Variants in LPP observed in about 807,000 individuals in gnomAD.
LPP encodes LIM domain containing preferred translocation partner in lipoma.
Under a neutral mutation model 60.4 loss-of-function variants are expected in LPP, and 38 were observed. That is an observed-to-expected ratio of 0.63 (90% confidence interval 0.49 to 0.83). The LOEUF (loss-of-function observed/expected upper bound fraction) is 0.83. Among genes scored for constraint, LPP ranks in the 40% least tolerant of loss-of-function variants. LPP has a pLI of 0.00. For synonymous variants in LPP, 328 were observed against 290.8 expected, an observed-to-expected ratio of 1.13 and a Z score of -1.30; for missense variants, 902 against 783.6, an observed-to-expected ratio of 1.15 and a Z score of -1.80.
intron 9 of LPP, among the ~76,000 whole-genome samples, chr3:188,777,800 C>G (rs148492677): frequency 6.6e-6 from 1 of 152,170 alleles, no homozygotes; most frequent in African/African-American, 2.4e-5. Context: ...TTGGGTATAA[C>G]AGATTTTTAT....
chr3:188,597,909 A>G (rs1024988749), intron 6 of LPP, among the ~76,000 whole-genome samples: 21 of 152,302 alleles, frequency 1.4e-4, no homozygotes, highest in African/African-American at 5.0e-4. Context: ...TGGAGTTTAG[A>G]GAGGAAAGGA....
intron 9 of LPP, among the ~76,000 whole-genome samples, chr3:188,780,076 GAACACCTAT>G (rs1487556076): frequency 6.6e-6 from 1 of 152,122 alleles, no homozygotes. Context: ...ATTTAGACTA[GAACACCTAT>G]ACGTCAGTTA....
At chr3:188,657,702 C>G (rs560159615) in intron 7 of LPP, among the ~76,000 whole-genome samples, 1 of 152,174 alleles carries the variant, frequency 6.6e-6, no homozygotes, top group South Asian at 2.1e-4. Flanking sequence ...AGCTAGTCCC[C>G]AAGCACACTA....
At chr3:188,255,793 C>A (rs1421755979) in intron 2 of LPP, among the ~76,000 whole-genome samples, 1 of 152,096 alleles carries the variant, frequency 6.6e-6, no homozygotes, top group African/African-American at 2.4e-5. Flanking sequence ...TAATATTTGG[C>A]CAAAACCTGC....
chr3:188,623,931 C>A (rs1410992027), intron 7 of LPP, among the ~76,000 whole-genome samples: 2 of 152,104 alleles, frequency 1.3e-5, no homozygotes, highest in Admixed American at 1.3e-4. Context: ...TGGCCAAGTA[C>A]CTATGAATCA....
At chr3:188,446,339 A>G (rs1238332108) in intron 4 of LPP, among the ~76,000 whole-genome samples, 1 of 152,114 alleles carries the variant, frequency 6.6e-6, no homozygotes, top group African/African-American at 2.4e-5. Context: ...TCTTTCTGCC[A>G]CTCTCCAGAC....
chr3:188,714,806 G>C (rs1280514525), intron 8 of LPP, among the ~76,000 whole-genome samples: 1 of 152,038 alleles, frequency 6.6e-6, no homozygotes, highest in African/African-American at 2.4e-5. Flanking sequence ...TTAAGTTTTG[G>C]CTATAACAGA....
At chr3:188,536,696 A>AC (rs35376860) in intron 6 of LPP, among the ~76,000 whole-genome samples, 5,381 of 151,808 alleles carry the variant, frequency 0.035, 180 homozygotes, top group Non-Finnish European at 0.047. Context: ...ATAAGATTTA[A>AC]GTGGGTTAAA....
chr3:188,331,810 G>A (rs1329143247), intron 2 of LPP, among the ~76,000 whole-genome samples: 2 of 152,068 alleles, frequency 1.3e-5, no homozygotes, highest in Admixed American at 1.3e-4. Flanking sequence ...TATGAATTCT[G>A]GTGCTTATTA....
At chr3:188,767,810 T>A (rs1734634078) in intron 9 of LPP, among the ~76,000 whole-genome samples, 1 of 152,142 alleles carries the variant, frequency 6.6e-6, no homozygotes, top group Non-Finnish European at 1.5e-5. Context: ...CTAGTCTCAT[T>A]AATTGCAACA....
chr3:188,190,724 A>C (rs1020940619), intron 1 of LPP, among the ~76,000 whole-genome samples: 1 of 152,222 alleles, frequency 6.6e-6, no homozygotes, highest in Non-Finnish European at 1.5e-5. Context: ...AAGATTGTGC[A>C]CTGAGATGAG....
At chr3:188,734,593 C>T (rs1226062361) in intron 8 of LPP, among the ~76,000 whole-genome samples, 1 of 152,172 alleles carries the variant, frequency 6.6e-6, no homozygotes, top group Non-Finnish European at 1.5e-5. Context: ...TAACTAAATG[C>T]TTAGGATTCA....
Position 188,775,830 on chromosome 3 carries a change from G to GT in LPP, c.1410+15553dup, listed in dbSNP as rs576078080. On this transcript the variant is annotated intron_variant, in intron 9 of 11. Transcript: ENST00000617246. ...AAAGTAAAAGAAAATGAAGAAGATT[G>GT]TTTTTGTGAAATTGTGCTGTCAGAT... is the stretch of plus-strand genomic sequence containing the variant. 3.0e-3 allele frequency among the ~76,000 whole-genome samples: 459 copies of GT among 152,272 alleles called. 5 individuals are homozygous for GT. Among genetic ancestry groups the GT allele is most frequent in the Non-Finnish European group, 3.6e-3 (242 of 68,022 alleles).
At chr3:188,171,307 A>G (rs1721519967) in intron 1 of LPP, among the ~76,000 whole-genome samples, 1 of 152,178 alleles carries the variant, frequency 6.6e-6, no homozygotes, top group Non-Finnish European at 1.5e-5. Context: ...GCATTCCATG[A>G]ATATTGGTTC....
At chr3:188,238,718 C>T (rs73059611) in intron 2 of LPP, among the ~76,000 whole-genome samples, 17 of 151,826 alleles carry the variant, frequency 1.1e-4, no homozygotes, top group Admixed American at 1.1e-3. Context: ...ATAGTCACAT[C>T]GAATATCACT....
intron 7 of LPP, among the ~76,000 whole-genome samples, chr3:188,670,129 G>A (rs1856675312): frequency 6.6e-6 from 1 of 152,146 alleles, no homozygotes; most frequent in Admixed American, 6.5e-5. Context: ...GGGAGGGATA[G>A]CATTAGGAGA....
chr3:188,845,941 G>T (rs180746880), intron 9 of LPP, among the ~76,000 whole-genome samples: 13 of 152,334 alleles, frequency 8.5e-5, no homozygotes, highest in Admixed American at 4.6e-4. Context: ...TTCTAAGCTT[G>T]CTTTCCCCTG....
chr3:188,866,352 C>T lies in LPP; in HGVS notation c.1563C>T (p.Leu521=), dbSNP rs1485741167. The T allele has an allele frequency of 3.2e-6, 5 of 1,544,334 alleles. No individual in the cohort carries two copies. Among genetic ancestry groups the T allele is most frequent in the African/African-American group, 1.4e-5 (1 of 72,140 alleles). The change falls in exon 10 of 12, where the codon CTC becomes CTT. Residue 521 remains leucine, a synonymous_variant. Transcript: ENST00000617246. ...CATTCACTGTGGATGCTGGCGGGCTCATTCACTGCATTGAGGACTTCCACA... is the reference window on the plus strand; with the variant it reads ...CATTCACTGTGGATGCTGGCGGGCTTATTCACTGCATTGAGGACTTCCACA... ...GIPFTVDAGG[L]IHCIEDFHKK...
chr3:188,484,786 T>C, intron 5 of LPP, 82 bp downstream of exon 5: 1 of 1,014,660 alleles, frequency 9.9e-7, no homozygotes, highest in Non-Finnish European at 1.5e-6. Context: ...AGCTCATGAA[T>C]TTCATGAGTG....
Sources: gnomAD v4.1 joint callset for allele counts (sites outside exome capture counted in the v4.1 genomes callset) on GRCh38, gnomAD v4.1.1 for gene constraint, MANE v1.5 for transcripts, NCBI Gene and HGNC (gene_info 2026-07-23, HGNC 2026-07-21) for gene names.